Variants in ASB1 observed in about 807,000 individuals in gnomAD.
ASB1 encodes ankyrin repeat and SOCS box protein 1.
ASB1 carries 18 observed loss-of-function variants against 27.7 expected under a neutral mutation model. The ratio of observed to expected loss-of-function variants is 0.65; its 90% CI spans 0.45 to 0.96. The LOEUF (loss-of-function observed/expected upper bound fraction) is 0.96. Ranked by LOEUF, ASB1 falls within the 50% of genes least tolerant of loss-of-function variation. ASB1 has a pLI of 0.00. For synonymous variants in ASB1, 189 were observed against 187.6 expected, an observed-to-expected ratio of 1.01 and a Z score of -0.06; for missense variants, 397 against 451.7, an observed-to-expected ratio of 0.88 and a Z score of 1.10.
chr2:238,446,219 C>T (rs1702177623), intron 4 of ASB1, among the ~76,000 whole-genome samples, 165 bp from the exon 5 acceptor site: 1 of 152,212 alleles, frequency 6.6e-6, no homozygotes, highest in African/African-American at 2.4e-5. Context: ...GGCCTGCTCT[C>T]CTCATCCATC....
Position 238,444,672 on chromosome 2 carries a change from G to A in ASB1, c.825G>A (p.Ser275=), listed in dbSNP as rs1367731428. ...LVKWESLGPE[S]RGRRKVDPEA... is the part of the protein sequence containing the mutation. ...AGTGGGAATCGCTGGGCCCAGAGTC[G>A]AGAGGAAGAAGAAAAGTGGACCCTG... Residue 275 remains serine (S), a synonymous_variant, in exon 4 of 5, where the codon TCG becomes TCA. Transcript: ENST00000264607. 46 of 1,613,990 alleles carry A rather than the reference G, an allele frequency of 2.9e-5. No individual in the cohort carries two copies. The highest frequency in any genetic ancestry group is 3.7e-5 in the Non-Finnish European group (44 of 1,180,030).
chr2:238,444,154 G>A (rs902633480), intron 3 of ASB1, among the ~76,000 whole-genome samples, 188 bp from the exon 4 acceptor site: 1 of 152,196 alleles, frequency 6.6e-6, no homozygotes, highest in African/African-American at 2.4e-5. Context: ...GGGATTCCAA[G>A]TTCTTTCCTG....
intron 3 of ASB1, among the ~76,000 whole-genome samples, chr2:238,443,088 AATCAAC>A (rs140975337): frequency 9.8e-5 from 15 of 152,286 alleles, no homozygotes; most frequent in Admixed American, 5.9e-4. Context: ...TTATGTTTGT[AATCAAC>A]TTATTTAGTT....
intron 3 of ASB1, among the ~76,000 whole-genome samples, chr2:238,441,862 A>G (rs1351255867): frequency 2.0e-5 from 3 of 152,224 alleles, no homozygotes; most frequent in Admixed American, 6.5e-5. Context: ...TGATGGGTCA[A>G]AGGGTAAATG....
In ASB1 at chr2:238,444,630, C is replaced by T. The variant is rs761054943; in HGVS notation, c.783C>T (p.Ala261=). The change falls in exon 4 of 5, where the codon GCC becomes GCT. Residue 261 remains alanine, a synonymous_variant. Transcript: ENST00000264607. ...TGAGCCTGCTGGTAGAATTTGGAGC[C>T]AACCTGAATCTAGTGAAGTGGGAAT... ...AFVSLLVEFG[A]NLNLVKWESL... 8.7e-6 allele frequency: 14 copies of T among 1,614,042 alleles called. No homozygotes were observed. Among genetic ancestry groups the T allele is most frequent in the Non-Finnish European group, 1.2e-5 (14 of 1,180,056 alleles).
rs774804564 is a variant in ASB1 at position 238,435,689 on chromosome 2, C to A, written c.192-22C>A. 6.3e-6 allele frequency: 10 copies of A among 1,597,086 alleles called. No homozygotes were observed. The East Asian group carries it at 1.8e-4, about 29-fold the overall frequency. The stretch of plus-strand genomic sequence containing the variant: ...CTGTCCTGCGGCTGCCTCTCATGAG[C>A]CCCCTTGTGTTCCTCCTGCAGCCGC... On this transcript the variant is annotated intron_variant, in intron 2 of 4. Transcript: ENST00000264607.
chr2:238,440,757 A>G (rs1215187455), intron 3 of ASB1, among the ~76,000 whole-genome samples: 1 of 152,268 alleles, frequency 6.6e-6, no homozygotes, highest in African/African-American at 2.4e-5. Flanking sequence ...TGACAAGGAC[A>G]AGTAAAGTAA....
chr2:238,440,573 C>G (rs760395373), intron 3 of ASB1, among the ~76,000 whole-genome samples: 2 of 152,214 alleles, frequency 1.3e-5, no homozygotes, highest in Non-Finnish European at 2.9e-5. Flanking sequence ...TGTTTGGGCT[C>G]TCACCTCTCA....
chr2:238,435,744 C>T lies in ASB1; in HGVS notation c.225C>T (p.Gly75=), dbSNP rs377719201. 6.2e-7 allele frequency: 1 copy of T among 1,613,888 alleles called. No individual in the cohort carries two copies. Among genetic ancestry groups the T allele is most frequent in the Non-Finnish European group, 8.5e-7 (1 of 1,179,936 alleles). The change falls in exon 3 of 5, where the codon GGC becomes GGT. Residue 75 remains glycine (G), a synonymous_variant. Coordinates refer to ENST00000264607, the MANE Select transcript of ASB1 (RefSeq NM_001040445.3). The stretch of plus-strand genomic sequence containing the variant: ...ACGAGAAGTCTGTCTGGTGCTGTGG[C>T]TGGCTCCCCTGCACACCGTTGCGAA... ...RINEKSVWCC[G]WLPCTPLRIA... is the part of the protein sequence containing the mutation.
At chr2:238,437,073 G>C (rs1027679139) in intron 3 of ASB1, among the ~76,000 whole-genome samples, 5 of 152,096 alleles carry the variant, frequency 3.3e-5, no homozygotes, top group African/African-American at 1.2e-4. Flanking sequence ...ATTTGTCTAG[G>C]AGTTTTTGCT....
rs1701935485 is a variant in ASB1, at chr2:238,434,791, C to G, written c.192-920C>G. On this transcript the variant is annotated intron_variant, in intron 2 of 4. Coordinates refer to ENST00000264607, the MANE Select transcript of ASB1 (RefSeq NM_001040445.3). ...TCTCAGCCCAAGTCTTTCTATATTG[C>G]ATTTCCCAGCACTGTTTCTCCTCCT... 2.0e-5 allele frequency among the ~76,000 whole-genome samples: 3 copies of G among 152,328 alleles called. No individual in the cohort carries two copies. The East Asian group carries it at 5.8e-4, about 29-fold the overall frequency.
Position 238,448,235 on chromosome 2 carries a change from G to C in ASB1, c.*1724G>C, listed in dbSNP as rs1257935939. On this transcript the variant is annotated 3_prime_UTR_variant, in exon 5 of 5. Coordinates refer to ENST00000264607, the MANE Select transcript of ASB1 (RefSeq NM_001040445.3). ...GGGTGCTGCAGGGGCTTCAGCCCGG[G>C]AGAGGGGGTGGGCGTGTTCTTTGTG... is the stretch of plus-strand genomic sequence containing the variant. 1 of 152,532 alleles carries C rather than the reference G, an allele frequency of 6.6e-6. No homozygotes were observed. Among genetic ancestry groups the C allele is most frequent in the Non-Finnish European group, 1.5e-5 (1 of 68,310 alleles). The allele number at this position is 152,532 out of a possible 1,614,324, so 9.4% of individuals were successfully genotyped here.
chr2:238,427,920 A>G (rs767088479), intron 1 of ASB1, among the ~76,000 whole-genome samples: 2 of 152,210 alleles, frequency 1.3e-5, no homozygotes, highest in African/African-American at 4.8e-5. Flanking sequence ...TTAGTAATAA[A>G]CCAATACATT....
rs1480567151 is a variant in ASB1 at position 238,450,797 on chromosome 2, CT to C, written c.*4287del. 1 of 152,314 alleles carries C rather than the reference CT, an allele frequency of 6.6e-6. No individual in the cohort carries two copies. The highest frequency in any genetic ancestry group is 1.5e-5 in the Non-Finnish European group (1 of 68,188). 9.4% of individuals were successfully genotyped at this position (152,314 alleles called of 1,614,324 possible). On this transcript the variant is annotated 3_prime_UTR_variant, in exon 5 of 5. Transcript: ENST00000264607. The stretch of plus-strand genomic sequence containing the variant: ...TGGGCACTGGGAGCCTGTGGCCCCC[CT>C]GTATGTTGGTGATGACACTAGTGTG...
At position 238,444,405 on chromosome 2, in the gene ASB1, G is replaced by A; in HGVS notation, c.558G>A (p.Arg186=). The A allele has an allele frequency of 6.2e-7, 1 of 1,613,638 alleles. No homozygotes were observed. Among genetic ancestry groups the A allele is most frequent in the Non-Finnish European group, 8.5e-7 (1 of 1,179,640 alleles). Residue 186 remains arginine (R), a synonymous_variant, in exon 4 of 5, where the codon CGG becomes CGA. Transcript: ENST00000264607. Reference sequence around the variant, plus strand: ...CTGATGTCCAGCCTCGATTCTCCCGGCGGCTCACCTCCTTGGTGGTCTGCC... The same window carrying A: ...CTGATGTCCAGCCTCGATTCTCCCGACGGCTCACCTCCTTGGTGGTCTGCC... ...LTPDVQPRFS[R]RLTSLVVCPL...
At position 238,430,746 on chromosome 2, in the gene ASB1, C is replaced by T. The variant is rs149343718; in HGVS notation, c.50-2808C>T. 1.1e-3 allele frequency among the ~76,000 whole-genome samples: 161 copies of T among 152,296 alleles called. 1 individual carries two copies. Among genetic ancestry groups the T allele is most frequent in the Middle Eastern group, 0.01 (3 of 294 alleles). On this transcript the variant is annotated intron_variant, in intron 1 of 4. Coordinates refer to ENST00000264607, the MANE Select transcript of ASB1 (RefSeq NM_001040445.3). ...GAATGACTCCTTGATCCATTGGCTG[C>T]GGAATGGCTGTGTTCGCAGGCATGA...
chr2:238,443,484 A>G (rs951448748), intron 3 of ASB1, among the ~76,000 whole-genome samples: 4 of 152,148 alleles, frequency 2.6e-5, no homozygotes, highest in African/African-American at 7.2e-5. Context: ...TTATTTTCCA[A>G]CTTTATGCAT....
chr2:238,436,513 T>A (rs1701974454), intron 3 of ASB1, among the ~76,000 whole-genome samples: 1 of 152,126 alleles, frequency 6.6e-6, no homozygotes, highest in African/African-American at 2.4e-5. Flanking sequence ...TTTGTTTAGT[T>A]TTTGAGGTGG....
In ASB1 at chr2:238,449,710, T is replaced by A. The variant is rs1451838315; in HGVS notation, c.*3199T>A. Reference sequence around the variant, plus strand: ...TGTTTAAGGCAACAATGCTTGTTTTTTGGTGTTTTCTTTTGACATTTGAAA... The same window carrying A: ...TGTTTAAGGCAACAATGCTTGTTTTATGGTGTTTTCTTTTGACATTTGAAA... On this transcript the variant is annotated 3_prime_UTR_variant, in exon 5 of 5. Transcript: ENST00000264607. The A allele has an allele frequency of 6.6e-6, 1 of 152,272 alleles. No homozygotes were observed. The highest frequency in any genetic ancestry group is 1.5e-5 in the Non-Finnish European group (1 of 68,050). The allele number at this position is 152,272 out of a possible 1,614,324, so 9.4% of individuals were successfully genotyped here.
Sources: gnomAD v4.1 joint callset for allele counts (sites outside exome capture counted in the v4.1 genomes callset) on GRCh38, gnomAD v4.1.1 for gene constraint, MANE v1.5 for transcripts, NCBI Gene and HGNC (gene_info 2026-07-23, HGNC 2026-07-21) for gene names.